Variants in NPAS3 observed in about 807,000 individuals in gnomAD.
NPAS3 encodes the protein neuronal PAS domain-containing protein 3.
Under a neutral mutation model 73.1 loss-of-function variants are expected in NPAS3, and 14 were observed. That is an observed-to-expected ratio of 0.19 (90% confidence interval 0.13 to 0.30). The LOEUF is 0.30. Among genes scored for constraint, NPAS3 ranks in the 10% least tolerant of loss-of-function variants. The probability of loss-of-function intolerance (pLI) is 1.00; values close to 1 mark genes in which losing one functional copy is unlikely to be tolerated. For synonymous variants in NPAS3, 620 were observed against 541.5 expected, an observed-to-expected ratio of 1.14 and a Z score of -2.01; for missense variants, 1,096 against 1,250.0, an observed-to-expected ratio of 0.88 and a Z score of 1.86.
chr14:33,372,635 C>T (rs923816494), intron 4 of NPAS3, among the ~76,000 whole-genome samples: 2 of 152,090 alleles, frequency 1.3e-5, no homozygotes, highest in Non-Finnish European at 2.9e-5. Flanking sequence ...AGGCATGAAT[C>T]GCAGGACAGC....
intron 5 of NPAS3, among the ~76,000 whole-genome samples, chr14:33,566,679 A>G (rs2055962540): frequency 6.6e-6 from 1 of 152,206 alleles, no homozygotes; most frequent in Admixed American, 6.5e-5. Context: ...CACCTTGAGC[A>G]GAGTGGAAAA....
At chr14:33,769,745 A>ATTTTTTTTTTTTT (rs5807743) in intron 7 of NPAS3, among the ~76,000 whole-genome samples, 2 of 103,352 alleles carry the variant, frequency 1.9e-5, no homozygotes, top group Admixed American at 1.2e-4. Flanking sequence ...AAAGACTTGG[A>ATTTTTTTTTTTTT]TTTTTTTTTT....
At chr14:33,624,132 T>A (rs574962456) in intron 5 of NPAS3, among the ~76,000 whole-genome samples, 1 of 152,378 alleles carries the variant, frequency 6.6e-6, no homozygotes, top group South Asian at 2.1e-4. Flanking sequence ...ACTTGCCACC[T>A]ACTGGCATAC....
At chr14:33,477,702 GCCCCTTACAGC>G (rs1213328159) in intron 4 of NPAS3, among the ~76,000 whole-genome samples, 1 of 152,082 alleles carries the variant, frequency 6.6e-6, no homozygotes, top group Non-Finnish European at 1.5e-5. Flanking sequence ...AAGTTCATTT[GCCCCTTACAGC>G]CCTTCAAGCC....
intron 4 of NPAS3, among the ~76,000 whole-genome samples, chr14:33,462,075 A>T (rs2050296596): frequency 6.6e-6 from 1 of 152,206 alleles, no homozygotes. Context: ...ACTCTCCATG[A>T]CTGAGCATTA....
chr14:33,738,991 C>T (rs2061592123), intron 7 of NPAS3, among the ~76,000 whole-genome samples: 2 of 152,168 alleles, frequency 1.3e-5, no homozygotes, highest in Non-Finnish European at 2.9e-5. Flanking sequence ...TGGCATGGGA[C>T]TTTCAGTTTT....
chr14:33,271,667 T>G (rs185025874), intron 3 of NPAS3, among the ~76,000 whole-genome samples: 4 of 152,222 alleles, frequency 2.6e-5, no homozygotes, highest in Admixed American at 2.6e-4. Flanking sequence ...TTTAAAAAAT[T>G]CCTCCCTGGT....
intron 4 of NPAS3, among the ~76,000 whole-genome samples, chr14:33,516,894 A>G (rs2053325967): frequency 6.6e-6 from 1 of 152,014 alleles, no homozygotes; most frequent in Non-Finnish European, 1.5e-5. Context: ...AAAGTGGCCA[A>G]TGGCTGGGGG....
intron 2 of NPAS3, among the ~76,000 whole-genome samples, chr14:33,186,451 T>A (rs2045977738): frequency 6.6e-6 from 1 of 152,196 alleles, no homozygotes; most frequent in Admixed American, 6.5e-5. Context: ...TGCTGGTGAC[T>A]CAATTATTTT....
chr14:33,381,024 A>C (rs1258649061), intron 4 of NPAS3, among the ~76,000 whole-genome samples: 7 of 152,034 alleles, frequency 4.6e-5, no homozygotes, highest in Non-Finnish European at 8.8e-5. Flanking sequence ...GTAAGTGGGA[A>C]GTCTGCAAGT....
intron 6 of NPAS3, among the ~76,000 whole-genome samples, chr14:33,698,908 G>C (rs2060457337): frequency 6.6e-6 from 1 of 152,166 alleles, no homozygotes; most frequent in African/African-American, 2.4e-5. Flanking sequence ...TCCAGATATG[G>C]AACCCAGTTT....
At chr14:33,274,030 C>T (rs1036837507) in intron 3 of NPAS3, among the ~76,000 whole-genome samples, 7 of 152,128 alleles carry the variant, frequency 4.6e-5, no homozygotes, top group African/African-American at 1.7e-4. Flanking sequence ...CCCCTTTCCC[C>T]AAACCAGAAG....
At chr14:33,587,314 T>C (rs1446116033) in intron 5 of NPAS3, among the ~76,000 whole-genome samples, 1 of 152,156 alleles carries the variant, frequency 6.6e-6, no homozygotes, top group Non-Finnish European at 1.5e-5. Flanking sequence ...CAAAAAAAAC[T>C]AGCACTTATG....
At position 33,735,164 on chromosome 14, in the gene NPAS3, G is replaced by A. The variant is rs148708760; in HGVS notation, c.734-50G>A. ...TTGCACCTGAGCTGTAGCTGTGAGGGGCTGTGTCAAGATCTAAATCGTGTG... is the reference window on the plus strand; with the variant it reads ...TTGCACCTGAGCTGTAGCTGTGAGGAGCTGTGTCAAGATCTAAATCGTGTG... On this transcript the variant is annotated intron_variant, in intron 6 of 11. Coordinates refer to ENST00000356141, the Ensembl canonical transcript of NPAS3. 453 of 1,292,440 alleles carry A rather than the reference G, an allele frequency of 3.5e-4. 1 individual carries two copies. In the African/African-American group the frequency reaches 5.3e-3, roughly 15 times the overall value. 80.1% of individuals were successfully genotyped at this position (1,292,440 alleles called of 1,614,324 possible). A position where few individuals can be genotyped will look rare whatever the true frequency, so the allele number is the denominator to read the frequency against.
intron 2 of NPAS3, among the ~76,000 whole-genome samples, chr14:33,128,364 T>C (rs771827971): frequency 2.0e-5 from 3 of 152,148 alleles, no homozygotes; most frequent in African/African-American, 7.2e-5. Flanking sequence ...TTAAACTACA[T>C]TGGAGGAAAC....
chr14:33,324,490 C>T lies in NPAS3; in HGVS notation c.386-42696C>T, dbSNP rs192459455. Among the ~76,000 whole-genome samples, 4 of 152,288 alleles carry T rather than the reference C, an allele frequency of 2.6e-5. No homozygotes were observed. In the East Asian group the frequency reaches 7.7e-4, roughly 29 times the overall value. On this transcript the variant is annotated intron_variant, in intron 3 of 11. Transcript: ENST00000356141. ...GATTGCCCTTTCAGGATTATATACC[C>T]TAAATAGTATCATATGATGAACCAA...
At chr14:33,194,009 A>G (rs1458287798) in intron 2 of NPAS3, among the ~76,000 whole-genome samples, 2 of 152,248 alleles carry the variant, frequency 1.3e-5, no homozygotes, top group Non-Finnish European at 2.9e-5. Context: ...AAGATCATGT[A>G]AAAATGGTGA....
chr14:33,334,269 A>G (rs1386548614), intron 3 of NPAS3, among the ~76,000 whole-genome samples: 1 of 152,106 alleles, frequency 6.6e-6, no homozygotes, highest in African/African-American at 2.4e-5. Context: ...TTATAAGTGT[A>G]TGGTTAGAAA....
chr14:33,272,870 A>G (rs1300275935), intron 3 of NPAS3, among the ~76,000 whole-genome samples: 1 of 152,226 alleles, frequency 6.6e-6, no homozygotes, highest in Non-Finnish European at 1.5e-5. Context: ...TTTTGCTTAA[A>G]AAAGAATCGA....
Sources: allele counts gnomAD v4.1 joint callset (sites outside exome capture counted in the v4.1 genomes callset), GRCh38; gene constraint gnomAD v4.1.1; transcripts MANE v1.5; gene names NCBI Gene and HGNC (gene_info 2026-07-23, HGNC 2026-07-21).